The following RALGAPA2 variants were observed in gnomAD, a reference collection of about 807,000 sequenced individuals.
RALGAPA2 encodes the protein Ral GTPase activating protein catalytic subunit alpha 2.
In RALGAPA2, 139 loss-of-function variants were observed where a neutral mutation model predicts 230.4. That is an observed-to-expected ratio of 0.60 (90% confidence interval 0.53 to 0.69). RALGAPA2 has a LOEUF of 0.69. Ranked by LOEUF, RALGAPA2 falls within the 30% of genes least tolerant of loss-of-function variation. The probability of loss-of-function intolerance (pLI) is 0.00; values close to 1 mark genes in which losing one functional copy is unlikely to be tolerated. For synonymous variants in RALGAPA2, 847 were observed against 837.8 expected (o/e 1.01, Z -0.19); for missense variants, 2,163 against 2,276.0 (o/e 0.95, Z 1.01).
chr20:20,656,805 C>A (rs2067603502), intron 3 of RALGAPA2, among the ~76,000 whole-genome samples: 1 of 152,080 alleles, frequency 6.6e-6, no homozygotes, highest in South Asian at 2.1e-4. Flanking sequence ...AGGAAAAAAT[C>A]ACAAGCAAAG....
In RALGAPA2 at chr20:20,546,728, C is replaced by G. The variant is rs374794807; in HGVS notation, c.3261G>C (p.Arg1087Ser). Reference sequence around the variant, plus strand: ...CCGTCAAAATGTCTGTGCTAAGGACCCTGGCAGCGGCCGTGATGAAGTCCC... The same window carrying G: ...CCGTCAAAATGTCTGTGCTAAGGACGCTGGCAGCGGCCGTGATGAAGTCCC... ...LVGDFITAAARVLSTDILTAP... is the reference protein window; with the variant it reads ...LVGDFITAAASVLSTDILTAP... The change falls in exon 24 of 40, where the codon AGG becomes AGC. Residue 1087 changes from arginine to serine, a missense_variant. Arg to Ser is a moderately radical substitution (Grantham distance 110). Coordinates refer to ENST00000202677, the MANE Select transcript of RALGAPA2 (RefSeq NM_020343.4). 43 of 1,608,876 alleles carry G rather than the reference C, an allele frequency of 2.7e-5. No homozygotes were observed. The highest frequency in any genetic ancestry group is 8.9e-5 in the East Asian group (4 of 44,702).
chr20:20,599,524 C>A (rs1451919830), intron 16 of RALGAPA2, among the ~76,000 whole-genome samples: 1 of 152,186 alleles, frequency 6.6e-6, no homozygotes, highest in Non-Finnish European at 1.5e-5. Context: ...TCTGTAAAAT[C>A]AGTTTTATTC....
intron 23 of RALGAPA2, among the ~76,000 whole-genome samples, chr20:20,548,224 C>A (rs754010921): frequency 2.6e-5 from 4 of 152,102 alleles, no homozygotes; most frequent in Non-Finnish European, 5.9e-5. Context: ...TGATTTAATT[C>A]TATCAGTATC....
chr20:20,541,728 A>C (rs2063647786), intron 24 of RALGAPA2, among the ~76,000 whole-genome samples: 2 of 152,200 alleles, frequency 1.3e-5, no homozygotes, highest in South Asian at 4.1e-4. Context: ...TCAGAAAGTG[A>C]AACTGAGGAT....
chr20:20,472,706 G>T, intron 37 of RALGAPA2, 123 bp downstream of exon 37: 1 of 1,013,094 alleles, frequency 9.9e-7, no homozygotes, highest in Non-Finnish European at 1.4e-6. Context: ...ATTTTTAACA[G>T]AGGTTGAAAA....
chr20:20,529,055 C>G (rs2063302021), intron 27 of RALGAPA2, among the ~76,000 whole-genome samples: 1 of 152,194 alleles, frequency 6.6e-6, no homozygotes, highest in Admixed American at 6.5e-5. Flanking sequence ...GGTAAAACAA[C>G]CCAGTTGCCA....
At chr20:20,635,765 A>AT (rs1568682249) in intron 8 of RALGAPA2, 148 bp from the exon 9 acceptor site, 2 of 646,060 alleles carry the variant, frequency 3.1e-6, no homozygotes, top group Non-Finnish European at 2.5e-6. Context: ...TTAAAATGGC[A>AT]TTTTTTTGGT....
intron 2 of RALGAPA2, among the ~76,000 whole-genome samples, chr20:20,679,017 T>C (rs1241077345): frequency 1.3e-5 from 2 of 152,164 alleles, no homozygotes; most frequent in Non-Finnish European, 2.9e-5. Flanking sequence ...ATATACCCAA[T>C]AAAATAAGGA....
At chr20:20,535,845 A>T (rs943520265) in intron 25 of RALGAPA2, 42 bp from the exon 26 acceptor site, 3 of 1,531,970 alleles carry the variant, frequency 2.0e-6, no homozygotes, top group African/African-American at 2.8e-5. Context: ...TTTGTGTCAT[A>T]GTTGGTTTCC....
intron 13 of RALGAPA2, 142 bp from the exon 14 acceptor site, chr20:20,611,568 T>C: frequency 7.5e-7 from 1 of 1,332,662 alleles, no homozygotes; most frequent in South Asian, 2.1e-5. Context: ...AGATGCCAAT[T>C]ACATAATGAA....
chr20:20,434,593 AG>A (rs1257582989), intron 37 of RALGAPA2, among the ~76,000 whole-genome samples: 1 of 152,148 alleles, frequency 6.6e-6, no homozygotes, highest in African/African-American at 2.4e-5. Flanking sequence ...TTTGTTTTAA[AG>A]CAGTCTGCCA....
chr20:20,500,415 G>C (rs1177785909), intron 35 of RALGAPA2, among the ~76,000 whole-genome samples: 1 of 152,162 alleles, frequency 6.6e-6, no homozygotes, highest in Non-Finnish European at 1.5e-5. Flanking sequence ...AATGTTCATA[G>C]CATCATCACT....
chr20:20,445,016 T>A (rs1224499476), intron 37 of RALGAPA2, among the ~76,000 whole-genome samples: 2 of 152,250 alleles, frequency 1.3e-5, no homozygotes, highest in African/African-American at 2.4e-5. Flanking sequence ...TTTTACTCAA[T>A]AATGTCCCCA....
intron 17 of RALGAPA2, 110 bp from the exon 18 acceptor site, chr20:20,589,475 T>A: frequency 8.2e-7 from 1 of 1,214,366 alleles, no homozygotes; most frequent in Non-Finnish European, 1.1e-6. Context: ...TATTCTAAGG[T>A]ATGTAAAAAC....
intron 37 of RALGAPA2, among the ~76,000 whole-genome samples, chr20:20,417,414 G>C (rs184793158): frequency 1.2e-4 from 19 of 152,330 alleles, no homozygotes; most frequent in African/African-American, 4.3e-4. Flanking sequence ...GTGGCTGTCT[G>C]CATTCACGGG....
Position 20,629,443 on chromosome 20 carries a change from G to A in RALGAPA2, c.1153C>T (p.Arg385Ter), listed in dbSNP as rs985350698. The A allele has an allele frequency of 4.3e-6, 7 of 1,613,420 alleles. No individual in the cohort carries two copies. In the African/African-American group the frequency reaches 8.0e-5, roughly 19 times the overall value. Residue 385 changes from arginine to a stop codon, truncating the protein, a stop_gained, in exon 10 of 40, where the codon CGA becomes TGA. Coordinates refer to ENST00000202677, the MANE Select transcript of RALGAPA2 (RefSeq NM_020343.4). LOFTEE classifies it high-confidence loss of function. ...CGCTGTACCATTTCATACACCATTC[G>A]GTGCTCTTCTTCAATGCTACAGAGG... ...SSLCSIEEEH[R>*]MVYEMVQRIL...
chr20:20,471,726 C>G (rs2061546136), intron 37 of RALGAPA2: 1 of 152,160 alleles, frequency 6.6e-6, no homozygotes, highest in South Asian at 2.1e-4. Flanking sequence ...CCCTGGCCCC[C>G]AGGGGAGGGA....
At chr20:20,620,671 C>A in intron 10 of RALGAPA2, 41 bp from the exon 11 acceptor site, 1 of 1,538,924 alleles carries the variant, frequency 6.5e-7, no homozygotes, top group Non-Finnish European at 8.8e-7. Flanking sequence ...TACAAACACA[C>A]TCAGATCAGT....
chr20:20,628,796 C>T (rs1327827830), intron 10 of RALGAPA2, among the ~76,000 whole-genome samples: 1 of 152,184 alleles, frequency 6.6e-6, no homozygotes, highest in Non-Finnish European at 1.5e-5. Flanking sequence ...GGCTTCTGAC[C>T]TCTTCTGTCT....
Sources: gnomAD v4.1 joint callset for allele counts (sites outside exome capture counted in the v4.1 genomes callset) on GRCh38, gnomAD v4.1.1 for gene constraint, MANE v1.5 for transcripts, NCBI Gene and HGNC (gene_info 2026-07-23, HGNC 2026-07-21) for gene names.